CASK: variants seen among roughly 807,000 people sequenced by gnomAD.
CASK encodes calcium/calmodulin dependent serine protein kinase.
CASK carries 4 observed loss-of-function variants against 82.9 expected under a neutral mutation model. The observed-to-expected ratio is 0.05, with a 90% CI of 0.02 to 0.11. The LOEUF is 0.11. Among genes scored for constraint, CASK ranks in the 10% least tolerant of loss-of-function variants. The probability of loss-of-function intolerance (pLI) is 1.00; values close to 1 mark genes in which losing one functional copy is unlikely to be tolerated. For synonymous variants in CASK, 259 were observed against 253.5 expected (o/e 1.02, Z -0.20); for missense variants, 358 against 720.9 (o/e 0.50, Z 5.76).
chrX:41,871,491 T>C (rs1485553582), intron 1 of CASK, among the ~76,000 whole-genome samples: 3 of 111,885 alleles, frequency 2.7e-5, no homozygotes, highest in Non-Finnish European at 3.8e-5. Context: ...AACTAAATTT[T>C]CTCAAATGTA....
chrX:41,681,368 TA>T (rs1362491758), intron 5 of CASK, among the ~76,000 whole-genome samples: 1 of 111,865 alleles, frequency 8.9e-6, no homozygotes, highest in East Asian at 2.8e-4. Context: ...TGTGAACAAA[TA>T]CAAAGAATGC....
Position 41,626,842 on chromosome X carries a change from T to A in CASK, c.916-139A>T, listed in dbSNP as rs1427375027. ...TGATGGCTAGAAGAGAGGTAGTTTT[T>A]AAATTATTTCAGATTCCTTGAAATA... On this transcript the variant is annotated intron_variant, in intron 9 of 26. Transcript: ENST00000378163. 2.7e-5 allele frequency: 13 copies of A among 478,050 alleles called. No individual in the cohort carries two copies. The Admixed American group carries it at 4.2e-4, about 15-fold the overall frequency. The allele number at this position is 478,050 out of a possible 1,213,427, so 39.4% of individuals were successfully genotyped here. A position where few individuals can be genotyped will look rare whatever the true frequency, so the allele number is the denominator to read the frequency against.
intron 16 of CASK, among the ~76,000 whole-genome samples, chrX:41,563,040 C>CAAAAAAAAAAAAAAAAAA (rs141364032): frequency 4.5e-5 from 1 of 22,197 alleles, no homozygotes. Flanking sequence ...GACTCCATCT[C>CAAAAAAAAAAAAAAAAAA]AAAAAAAAAA....
At chrX:41,550,593 A>G (rs2065082812) in intron 21 of CASK, among the ~76,000 whole-genome samples, 1 of 110,416 alleles carries the variant, frequency 9.1e-6, no homozygotes, top group Non-Finnish European at 1.9e-5. Flanking sequence ...TTACAAGCTT[A>G]TTATTGATTT....
intron 5 of CASK, among the ~76,000 whole-genome samples, chrX:41,701,035 T>C (rs1317538784): frequency 3.9e-5 from 4 of 101,332 alleles, no homozygotes; most frequent in South Asian, 5.5e-4. Context: ...GTGACCCCCA[T>C]ACATTCTCCT....
In CASK at chrX:41,602,193, G is replaced by A. The variant is rs1462737938; in HGVS notation, c.1155+7711C>T. On this transcript the variant is annotated intron_variant, in intron 12 of 26. Coordinates refer to ENST00000378163, the MANE Select transcript of CASK (RefSeq NM_001367721.1). ...TGATAGGGACTGCACTGAATCTATA[G>A]ATCAATGTGGAGAAAAGCGCCATCT... 3.6e-5 allele frequency among the ~76,000 whole-genome samples: 4 copies of A among 111,721 alleles called. No individual in the cohort carries two copies. In the East Asian group the frequency reaches 1.1e-3, roughly 31 times the overall value.
intron 3 of CASK, among the ~76,000 whole-genome samples, chrX:41,772,668 TG>T (rs2147798075): frequency 9.0e-6 from 1 of 111,605 alleles, no homozygotes; most frequent in Non-Finnish European, 1.9e-5. Context: ...AACTCTGGCC[TG>T]GATGGATTTA....
chrX:41,638,510 C>T (rs1021818630), intron 8 of CASK, among the ~76,000 whole-genome samples: 19 of 111,551 alleles, frequency 1.7e-4, no homozygotes, highest in African/African-American at 5.9e-4. Context: ...TGCAACTGCA[C>T]TCCAGCCTGG....
At chrX:41,772,345 CAAAAAAAA>C (rs761427437) in intron 3 of CASK, among the ~76,000 whole-genome samples, 4 of 26,354 alleles carry the variant, frequency 1.5e-4, no homozygotes, top group African/African-American at 5.4e-4. Flanking sequence ...GACTCTGTCT[CAAAAAAAA>C]AAAAAAAAAA....
chrX:41,809,371 G>A (rs2070220010), intron 2 of CASK, among the ~76,000 whole-genome samples: 1 of 112,032 alleles, frequency 8.9e-6, no homozygotes, highest in Non-Finnish European at 1.9e-5. Context: ...CACATGGCTG[G>A]GTACCCCTCT....
chrX:41,679,092 C>A (rs2067311665), intron 5 of CASK, among the ~76,000 whole-genome samples: 1 of 110,247 alleles, frequency 9.1e-6, no homozygotes, highest in Admixed American at 9.6e-5. Context: ...TCTCTTAAAA[C>A]TTCTATAAAA....
At chrX:41,559,114 A>G in intron 18 of CASK, 1 of 112,289 alleles carries the variant, frequency 8.9e-6, no homozygotes, top group Non-Finnish European at 1.9e-5. Flanking sequence ...AACAACCAAC[A>G]CAAAACTGAA....
At chrX:41,911,510 C>T (rs1163532104) in intron 1 of CASK, among the ~76,000 whole-genome samples, 1 of 112,250 alleles carries the variant, frequency 8.9e-6, no homozygotes, top group East Asian at 2.8e-4. Flanking sequence ...GAGACTACAA[C>T]TTCAGAATCT....
chrX:41,750,331 C>T (rs924288021), intron 3 of CASK, among the ~76,000 whole-genome samples: 1 of 112,229 alleles, frequency 8.9e-6, no homozygotes, highest in African/African-American at 3.2e-5. Context: ...GTTGATGACT[C>T]AATTCTTTGA....
chrX:41,748,409 T>C (rs2068731306), intron 3 of CASK: 2 of 145,610 alleles, frequency 1.4e-5, no homozygotes, highest in South Asian at 1.8e-4. Context: ...GAACCTGAGG[T>C]AGGTTAAACA....
At chrX:41,620,760 T>C (rs1236759689) in intron 11 of CASK, among the ~76,000 whole-genome samples, 1 of 112,219 alleles carries the variant, frequency 8.9e-6, no homozygotes, top group African/African-American at 3.2e-5. Context: ...ATGGAAACTG[T>C]ATTTTGGACA....
intron 17 of CASK, 124 bp from the exon 18 acceptor site, chrX:41,559,971 C>T (rs762699855): frequency 2.2e-4 from 124 of 552,926 alleles, no homozygotes; most frequent in Admixed American, 3.9e-4. Context: ...AGCACATAGC[C>T]GGAAAATGAA....
At chrX:41,579,814 C>T (rs1237928038) in intron 14 of CASK, among the ~76,000 whole-genome samples, 1 of 109,199 alleles carries the variant, frequency 9.2e-6, no homozygotes, top group Non-Finnish European at 1.9e-5. Flanking sequence ...ATTTTAAAGG[C>T]ATGCATACGA....
At chrX:41,640,637 C>T (rs771934599) in intron 8 of CASK, among the ~76,000 whole-genome samples, 1 of 111,884 alleles carries the variant, frequency 8.9e-6, no homozygotes, top group Non-Finnish European at 1.9e-5. Context: ...ACATCTTTTC[C>T]TGTGCTTATC....
Sources: allele counts gnomAD v4.1 joint callset (sites outside exome capture counted in the v4.1 genomes callset), GRCh38; gene constraint gnomAD v4.1.1; transcripts MANE v1.5; gene names NCBI Gene and HGNC (gene_info 2026-07-23, HGNC 2026-07-21).